Variants in UST observed in about 807,000 individuals in gnomAD.
The protein encoded by UST is chondroitin sulfate 2-O-sulfotransferase.
In UST, 21 loss-of-function variants were observed where a neutral mutation model predicts 45.6. The ratio of observed to expected loss-of-function variants is 0.46; its 90% CI spans 0.33 to 0.66. The LOEUF (loss-of-function observed/expected upper bound fraction) is 0.66, where lower values mean the gene tolerates loss of function less well. Ranked by LOEUF, UST falls within the 30% of genes least tolerant of loss-of-function variation. UST has a pLI of 0.02. For missense variants in UST, 463 were observed against 512.4 expected (o/e 0.90, Z 0.93); for synonymous variants, 215 against 200.6 (o/e 1.07, Z -0.61).
At chr6:149,010,018 T>A (rs548190382) in intron 5 of UST, among the ~76,000 whole-genome samples, 113 of 149,362 alleles carry the variant, frequency 7.6e-4, no homozygotes, top group South Asian at 2.5e-3. Flanking sequence ...TAAGTTTTTT[T>A]AAAAAAAAAA....
chr6:148,897,135 C>T (rs1325607775), intron 2 of UST, among the ~76,000 whole-genome samples: 4 of 151,910 alleles, frequency 2.6e-5, no homozygotes, highest in Admixed American at 6.6e-5. Context: ...ACCCTATTTT[C>T]GTTGGAGTTT....
intron 1 of UST, among the ~76,000 whole-genome samples, chr6:148,756,736 G>A (rs1480227221): frequency 6.6e-6 from 1 of 152,186 alleles, no homozygotes; most frequent in Non-Finnish European, 1.5e-5. Flanking sequence ...CTTGAAGGGA[G>A]GAAGCTTATT....
At chr6:148,982,183 CT>C (rs1482976481) in intron 5 of UST, among the ~76,000 whole-genome samples, 2 of 151,774 alleles carry the variant, frequency 1.3e-5, no homozygotes, top group African/African-American at 4.8e-5. Context: ...ACTGCAACCT[CT>C]GCATCCTGGG....
chr6:148,778,589 G>A (rs140074504), intron 1 of UST, among the ~76,000 whole-genome samples: 157 of 152,298 alleles, frequency 1.0e-3, no homozygotes, highest in Admixed American at 9.3e-3. Context: ...CCCAGGCCAC[G>A]TCAGGCAGGG....
intron 1 of UST, among the ~76,000 whole-genome samples, chr6:148,811,185 T>A (rs1447486527): frequency 3.3e-5 from 5 of 152,218 alleles, no homozygotes; most frequent in African/African-American, 1.2e-4. Context: ...CCTGGGGGAC[T>A]TACTTATGTG....
chr6:149,039,838 T>C (rs1776286897), intron 7 of UST, among the ~76,000 whole-genome samples: 1 of 152,186 alleles, frequency 6.6e-6, no homozygotes, highest in Non-Finnish European at 1.5e-5. Context: ...TTTTTGGCAG[T>C]TAACTCTACA....
At chr6:149,040,740 G>A (rs1776300910) in intron 7 of UST, among the ~76,000 whole-genome samples, 1 of 152,182 alleles carries the variant, frequency 6.6e-6, no homozygotes, top group South Asian at 2.1e-4. Context: ...GCATTCTCCA[G>A]CATGTGGTCC....
chr6:148,843,538 A>G (rs1339683586), intron 1 of UST, among the ~76,000 whole-genome samples: 1 of 152,230 alleles, frequency 6.6e-6, no homozygotes, highest in Middle Eastern at 3.2e-3. Flanking sequence ...GGTAGAAAAT[A>G]CACAAGTTGT....
intron 5 of UST, among the ~76,000 whole-genome samples, chr6:149,001,737 C>T (rs186082629): frequency 2.1e-4 from 32 of 152,030 alleles, no homozygotes; most frequent in Non-Finnish European, 3.5e-4. Flanking sequence ...GGTACAAGGG[C>T]ATAAAAAGCA....
chr6:148,748,445 GTGTGTGT>G lies in UST; in HGVS notation c.247+769_247+775del, dbSNP rs1775922641. On this transcript the variant is annotated intron_variant, in intron 1 of 7. Coordinates refer to ENST00000367463, the MANE Select transcript of UST (RefSeq NM_005715.3). The surrounding 1 kb of genome is among the most constrained non-coding windows in gnomAD (Gnocchi z 5.3). ...TGTGTGTGTGTGTGTGTGTGTGTGT[GTGTGTGT>G]GGTTTATTAGGAGAGAGGCCGCCTG... Among the ~76,000 whole-genome samples, 7 of 141,302 alleles carry G rather than the reference GTGTGTGT, an allele frequency of 5.0e-5. No homozygotes were observed. Among genetic ancestry groups the G allele is most frequent in the African/African-American group, 1.0e-4 (4 of 38,524 alleles). 92.7% of individuals were successfully genotyped at this position (141,302 alleles called of 152,430 possible).
At chr6:148,781,813 C>G (rs913078155) in intron 1 of UST, among the ~76,000 whole-genome samples, 30 of 152,100 alleles carry the variant, frequency 2.0e-4, no homozygotes, top group Admixed American at 7.2e-4. Context: ...AAGAATTTGC[C>G]AAATCTACTC....
chr6:148,991,046 CAGAT>C (rs372955094), intron 5 of UST, among the ~76,000 whole-genome samples: 1 of 152,280 alleles, frequency 6.6e-6, no homozygotes, highest in African/African-American at 2.4e-5. Context: ...AGTAAACAGA[CAGAT>C]AATTAATATA....
At chr6:149,043,491 T>C (rs1776356485) in intron 7 of UST, among the ~76,000 whole-genome samples, 1 of 152,266 alleles carries the variant, frequency 6.6e-6, no homozygotes, top group Non-Finnish European at 1.5e-5. Flanking sequence ...TTCACAGGCA[T>C]CCGCATCCCC....
intron 2 of UST, among the ~76,000 whole-genome samples, chr6:148,906,832 T>C (rs1779372473): frequency 6.6e-6 from 1 of 152,190 alleles, no homozygotes; most frequent in South Asian, 2.1e-4. Flanking sequence ...CTATCCTGGA[T>C]TAATGAAAGT....
chr6:148,904,271 G>T (rs184624903), intron 2 of UST, among the ~76,000 whole-genome samples: 2 of 152,224 alleles, frequency 1.3e-5, no homozygotes. Context: ...GACTTCATTT[G>T]CCCAAATGAC....
chr6:148,862,077 G>GTTGACATGGA (rs1276762408), intron 1 of UST, among the ~76,000 whole-genome samples: 4 of 149,936 alleles, frequency 2.7e-5, no homozygotes, highest in African/African-American at 9.9e-5. Flanking sequence ...TCATGGATCT[G>GTTGACATGGA]TCTAATGTTG....
intron 5 of UST, among the ~76,000 whole-genome samples, chr6:148,982,809 C>T (rs571360364): frequency 6.6e-6 from 1 of 152,218 alleles, no homozygotes; most frequent in African/African-American, 2.4e-5. Context: ...ATTAGTCCAA[C>T]AAATCTTCAG....
At chr6:148,810,684 A>G (rs1384768752) in intron 1 of UST, among the ~76,000 whole-genome samples, 1 of 152,130 alleles carries the variant, frequency 6.6e-6, no homozygotes, top group Non-Finnish European at 1.5e-5. Context: ...TTTTCTCTCT[A>G]CAGTCCCTAA....
At chr6:148,911,842 A>C (rs1582893055) in intron 2 of UST, among the ~76,000 whole-genome samples, 1 of 152,168 alleles carries the variant, frequency 6.6e-6, no homozygotes, top group East Asian at 1.9e-4. Context: ...TGGAGGGGAA[A>C]AGGATGGAGA....
Sources: gnomAD v4.1 joint callset for allele counts (sites outside exome capture counted in the v4.1 genomes callset) on GRCh38, gnomAD v4.1.1 for gene constraint, Gnocchi (gnomAD v3.1) non-coding constraint, MANE v1.5 for transcripts, NCBI Gene and HGNC (gene_info 2026-07-23, HGNC 2026-07-21) for gene names.